NEK8: variants seen among roughly 807,000 people sequenced by gnomAD.
NEK8 encodes serine/threonine-protein kinase Nek8.
NEK8 carries 51 observed loss-of-function variants against 77.2 expected under a neutral mutation model. The ratio of observed to expected loss-of-function variants is 0.66; its 90% CI spans 0.53 to 0.83. The LOEUF (loss-of-function observed/expected upper bound fraction) is 0.83. Among genes scored for constraint, NEK8 ranks in the 40% least tolerant of loss-of-function variants. NEK8 has a pLI of 0.00. For synonymous variants in NEK8, 365 were observed against 363.2 expected (o/e 1.00, Z -0.06); for missense variants, 787 against 909.2 (o/e 0.87, Z 1.73).
intron 4 of NEK8, 144 bp downstream of exon 4, chr17:28,735,515 C>T: frequency 1.1e-6 from 1 of 902,382 alleles, no homozygotes; most frequent in Non-Finnish European, 1.7e-6. Context: ...CTATGGGTGT[C>T]CCTCAGACTA....
chr17:28,728,863 G>A lies in NEK8; in HGVS notation c.47+3G>A. ...GTGGTGGGGAGAGGTGCCTTCGGGTGAGCCAGGGCTCTGGGGGAGGAAACT... is the reference window on the plus strand; with the variant it reads ...GTGGTGGGGAGAGGTGCCTTCGGGTAAGCCAGGGCTCTGGGGGAGGAAACT... On this transcript the variant is annotated splice_donor_region_variant and intron_variant, in intron 1 of 14. Transcript: ENST00000268766. 3 of 1,550,450 alleles carry A rather than the reference G, an allele frequency of 1.9e-6. No individual in the cohort carries two copies. The highest frequency in any genetic ancestry group is 2.6e-6 in the Non-Finnish European group (3 of 1,145,862).
Position 28,741,949 on chromosome 17 carries a change from T to G in NEK8, c.2051-10T>G. 1 of 1,614,004 alleles carries G rather than the reference T, an allele frequency of 6.2e-7. No homozygotes were observed. Among genetic ancestry groups the G allele is most frequent in the South Asian group, 1.1e-5 (1 of 91,076 alleles). On this transcript the variant is annotated splice_polypyrimidine_tract_variant and intron_variant, in intron 14 of 14. Transcript: ENST00000268766. The surrounding 1 kb of genome is among the most constrained non-coding windows in gnomAD (Gnocchi z 4.5). Reference sequence around the variant, plus strand: ...AGAAGCTGCAAGGGTTTCTCTTCGGTACCCTCCAGCGGTCACAGATGAGCC... The same window carrying G: ...AGAAGCTGCAAGGGTTTCTCTTCGGGACCCTCCAGCGGTCACAGATGAGCC...
At chr17:28,736,045 C>A (rs189187610) in intron 4 of NEK8, among the ~76,000 whole-genome samples, 1 of 150,302 alleles carries the variant, frequency 6.7e-6, no homozygotes, top group Non-Finnish European at 1.5e-5. Context: ...TTTGTCCTTG[C>A]GATAGTTTGC....
At chr17:28,734,471 C>T (rs1044823204) in intron 2 of NEK8, 11 of 559,360 alleles carry the variant, frequency 2.0e-5, no homozygotes, top group South Asian at 6.2e-5. Context: ...GTCAGGAGAT[C>T]GAGACCATCC....
chr17:28,732,540 CTTTTCTTTTTTTTTTTTTT>C (rs1263446159), intron 1 of NEK8, among the ~76,000 whole-genome samples: 1 of 116,286 alleles, frequency 8.6e-6, no homozygotes, highest in African/African-American at 3.2e-5. Context: ...TTTCTTTTTT[CTTTTCTTTTTTTTTTTTTT>C]TTTTTTTTTT....
In NEK8 at chr17:28,739,144, C is replaced by T. The variant is rs994391552; in HGVS notation, c.1360C>T (p.His454Tyr). 1 of 1,614,098 alleles carries T rather than the reference C, an allele frequency of 6.2e-7. No homozygotes were observed. The highest frequency in any genetic ancestry group is 1.3e-5 in the African/African-American group (1 of 74,950). ...EMVQVACGASHVLALSTEREL... is the reference protein window; with the variant it reads ...EMVQVACGASYVLALSTEREL... ...GGTGCAGGTGGCCTGTGGGGCCTCTCACGTGCTGGCCCTGTCCACTGAGCG... is the reference window on the plus strand; with the variant it reads ...GGTGCAGGTGGCCTGTGGGGCCTCTTACGTGCTGGCCCTGTCCACTGAGCG... The change falls in exon 10 of 15, where the codon CAC becomes TAC. Residue 454 changes from histidine (H) to tyrosine (Y), a missense_variant. Physicochemically the swap from His to Tyr is moderately conservative, Grantham distance 83. Around this residue, in one of 2 missense-constraint regions of NEK8, gnomAD observed 516 missense variants for 544.0 expected, o/e 0.95. Transcript: ENST00000268766.
At chr17:28,733,537 TTAAAA>T (rs145713720) in intron 1 of NEK8, among the ~76,000 whole-genome samples, 2,243 of 152,338 alleles carry the variant, frequency 0.015, 19 homozygotes, top group Non-Finnish European at 0.026. Context: ...AACCACAGAA[TTAAAA>T]TAAAATAATA....
chr17:28,741,972 G>A lies in NEK8; in HGVS notation c.2064G>A (p.Glu688=). The A allele has an allele frequency of 1.9e-6, 3 of 1,614,114 alleles. No homozygotes were observed. Among genetic ancestry groups the A allele is most frequent in the African/African-American group, 1.3e-5 (1 of 75,026 alleles). ...TLLAVRSVTD[E]PVPP is the part of the protein sequence containing the mutation. ...GGTACCCTCCAGCGGTCACAGATGA[G>A]CCGGTCCCCCCCTGAGGCACCCGGA... The change falls in exon 15 of 15, where the codon GAG becomes GAA. Residue 688 remains glutamate (E), a synonymous_variant. Transcript: ENST00000268766. The surrounding 1 kb of genome is among the most constrained non-coding windows in gnomAD (Gnocchi z 4.5).
In NEK8 at chr17:28,734,095, G is replaced by A; in HGVS notation, c.160G>A (p.Val54Ile). The A allele has an allele frequency of 6.2e-7, 1 of 1,614,000 alleles. No homozygotes were observed. The highest frequency in any genetic ancestry group is 8.5e-7 in the Non-Finnish European group (1 of 1,179,984). Residue 54 changes from valine to isoleucine, a missense_variant, in exon 2 of 15, where the codon GTC becomes ATC. Transcript: ENST00000268766. ...GCAGGCAGCCCAGAATGAGTGCCAG[G>A]TCCTCAAGCTGCTCAACCACCCCAA... is the stretch of plus-strand genomic sequence containing the variant. ...ERQAAQNECQ[V>I]LKLLNHPNVI...
rs1432100197 is a variant in NEK8, at chr17:28,740,176, C to T, written c.1418-287C>T. Among the ~76,000 whole-genome samples, 1 of 152,066 alleles carries T rather than the reference C, an allele frequency of 6.6e-6. No homozygotes were observed. Among genetic ancestry groups the T allele is most frequent in the Non-Finnish European group, 1.5e-5 (1 of 68,010 alleles). On this transcript the variant is annotated intron_variant, in intron 10 of 14. Transcript: ENST00000268766. The surrounding 1 kb of genome is among the most constrained non-coding windows in gnomAD (Gnocchi z 4.7). ...GTGCATGCCTGTAATCCCGGCTACT[C>T]AGGAGGCTGAGGCAGGAGAATCGCT...
rs947991483 is a variant in NEK8, at chr17:28,734,816, C to T, written c.298C>T (p.Leu100=). Residue 100 remains leucine (L), a synonymous_variant, in exon 3 of 15, where the codon CTG becomes TTG. Coordinates refer to ENST00000268766, the MANE Select transcript of NEK8 (RefSeq NM_178170.3). ...EFIQKRCNSL[L]EEETILHFFV... ...CATCCAAAAGCGCTGTAATTCCCTG[C>T]TGGAGGAGGAGACCATCCTGCACTT... 1 of 1,613,780 alleles carries T rather than the reference C, an allele frequency of 6.2e-7. No homozygotes were observed. The highest frequency in any genetic ancestry group is 2.2e-5 in the East Asian group (1 of 44,900).
At chr17:28,738,068 G>A (rs777749160) in intron 7 of NEK8, 27 bp from the exon 8 acceptor site, 10 of 1,612,650 alleles carry the variant, frequency 6.2e-6, no homozygotes, top group Non-Finnish European at 8.5e-6. Context: ...GGGTGCTCAG[G>A]CGCTGCCCAT....
intron 1 of NEK8, among the ~76,000 whole-genome samples, chr17:28,729,924 G>A (rs1258706885): frequency 6.6e-6 from 1 of 152,146 alleles, no homozygotes; most frequent in Non-Finnish European, 1.5e-5. Context: ...TCAGGCAAAG[G>A]AAATAGCGTA....
chr17:28,735,016 T>C lies in NEK8; in HGVS notation c.486+12T>C. ...GCAAGGCCTACACGGTGCCTGGGCA[T>C]GGAAGGGACCTCCAGGGCACTAGAA... On this transcript the variant is annotated intron_variant, in intron 3 of 14. Coordinates refer to ENST00000268766, the MANE Select transcript of NEK8 (RefSeq NM_178170.3). 1 of 1,596,620 alleles carries C rather than the reference T, an allele frequency of 6.3e-7. No homozygotes were observed. The highest frequency in any genetic ancestry group is 1.1e-5 in the South Asian group (1 of 90,760).
Position 28,734,872 on chromosome 17 carries a change from T to C in NEK8, c.354T>C (p.His118=). The change falls in exon 3 of 15, where the codon CAT becomes CAC. Residue 118 remains histidine (H), a synonymous_variant. Transcript: ENST00000268766. Reference sequence around the variant, plus strand: ...TGCAGATCCTGCTTGCACTGCATCATGTGCACACCCACCTCATCCTGCACC... The same window carrying C: ...TGCAGATCCTGCTTGCACTGCATCACGTGCACACCCACCTCATCCTGCACC... ...FFVQILLALH[H]VHTHLILHRD... is the part of the protein sequence containing the mutation. 1 of 1,613,370 alleles carries C rather than the reference T, an allele frequency of 6.2e-7. No homozygotes were observed. The highest frequency in any genetic ancestry group is 8.5e-7 in the Non-Finnish European group (1 of 1,179,574).
At chr17:28,732,686 G>C (rs765329848) in intron 1 of NEK8, among the ~76,000 whole-genome samples, 1 of 151,164 alleles carries the variant, frequency 6.6e-6, no homozygotes, top group Non-Finnish European at 1.5e-5. Context: ...CGAGTAGCTG[G>C]GATTACAGGC....
chr17:28,735,072 C>T lies in NEK8; in HGVS notation c.486+68C>T, dbSNP rs182656030. ...GAGGGCCAGGACCTAACCCTGCCTCCTCCCCTCCCCCTAAAAAACCCTTGG... is the reference window on the plus strand; with the variant it reads ...GAGGGCCAGGACCTAACCCTGCCTCTTCCCCTCCCCCTAAAAAACCCTTGG... On this transcript the variant is annotated intron_variant, in intron 3 of 14. Transcript: ENST00000268766. 2.8e-4 allele frequency: 415 copies of T among 1,502,132 alleles called. 2 individuals are homozygous for T. In the African/African-American group the frequency reaches 5.2e-3, roughly 19 times the overall value. The allele number at this position is 1,502,132 out of a possible 1,614,324, so 93.1% of individuals were successfully genotyped here.
intron 1 of NEK8, among the ~76,000 whole-genome samples, chr17:28,730,277 ATTTTTTTTTTT>A (rs36102062): frequency 1.2e-4 from 11 of 89,288 alleles, no homozygotes; most frequent in East Asian, 1.2e-3. Flanking sequence ...CAACCGGCTA[ATTTTTTTTTTT>A]TTTTTTTTTT....
rs562689326 is a variant in NEK8 at position 28,728,980 on chromosome 17, C to T, written c.47+120C>T. ...AAGGCGTGAGCGCCACTCTGGGAAG[C>T]CCCGCCCAAGCTTCCGGTCCCAGTC... On this transcript the variant is annotated intron_variant, in intron 1 of 14. Transcript: ENST00000268766. 7 of 947,628 alleles carry T rather than the reference C, an allele frequency of 7.4e-6. No homozygotes were observed. In the South Asian group the frequency reaches 8.5e-5, roughly 12 times the overall value. 58.7% of individuals were successfully genotyped at this position (947,628 alleles called of 1,614,324 possible).
Sources: allele counts gnomAD v4.1 joint callset (sites outside exome capture counted in the v4.1 genomes callset), GRCh38; gene constraint gnomAD v4.1.1; regional missense constraint gnomAD v4.1.1; non-coding constraint Gnocchi (gnomAD v3.1); transcripts MANE v1.5; gene names NCBI Gene and HGNC (gene_info 2026-07-23, HGNC 2026-07-21).